GRID2: variants seen among roughly 807,000 people sequenced by gnomAD.
GRID2 encodes the protein glutamate ionotropic receptor delta type subunit 2.
In GRID2, 33 loss-of-function variants were observed where a neutral mutation model predicts 114.8. The ratio of observed to expected loss-of-function variants is 0.29; its 90% CI spans 0.22 to 0.38. The LOEUF (loss-of-function observed/expected upper bound fraction) is 0.38, where lower values mean the gene tolerates loss of function less well. GRID2 is among the 10% of genes least tolerant of loss of function. GRID2 has a pLI of 1.00. For missense variants in GRID2, 1,184 were observed against 1,257.7 expected (o/e 0.94, Z 0.89); for synonymous variants, 505 against 449.9 (o/e 1.12, Z -1.55).
chr4:93,546,336 A>G (rs1000275323), intron 13 of GRID2, among the ~76,000 whole-genome samples: 2 of 152,200 alleles, frequency 1.3e-5, no homozygotes, highest in Admixed American at 1.3e-4. Context: ...AATTATCAGA[A>G]TACAGATGGT....
intron 1 of GRID2, among the ~76,000 whole-genome samples, chr4:93,800,556 G>T (rs776729900): frequency 5.5e-4 from 83 of 152,220 alleles, no homozygotes; most frequent in Non-Finnish European, 1.0e-3. Flanking sequence ...AAATAAAAAG[G>T]CCCCCATTAA....
At chr4:92,993,931 A>C (rs1755053639) in intron 2 of GRID2, among the ~76,000 whole-genome samples, 1 of 152,172 alleles carries the variant, frequency 6.6e-6, no homozygotes, top group Non-Finnish European at 1.5e-5. Flanking sequence ...AAGATCTTTA[A>C]ATTATAAACA....
intron 8 of GRID2, among the ~76,000 whole-genome samples, chr4:93,306,658 G>A (rs1012769960): frequency 6.6e-6 from 1 of 152,036 alleles, no homozygotes; most frequent in African/African-American, 2.4e-5. Flanking sequence ...TTTAATAGAT[G>A]GGGATTATTT....
chr4:92,663,995 C>A (rs1006014727), intron 2 of GRID2, among the ~76,000 whole-genome samples: 1 of 151,112 alleles, frequency 6.6e-6, no homozygotes, highest in Non-Finnish European at 1.5e-5. Flanking sequence ...AAGATGGAAT[C>A]GTATCCTCCA....
chr4:93,383,535 C>T (rs1056128513), intron 8 of GRID2, among the ~76,000 whole-genome samples: 5 of 152,130 alleles, frequency 3.3e-5, no homozygotes, highest in Non-Finnish European at 7.4e-5. Flanking sequence ...TAGATTCTGC[C>T]AGTGCAGTTG....
At chr4:92,567,478 A>G (rs1203870497) in intron 1 of GRID2, among the ~76,000 whole-genome samples, 1 of 151,974 alleles carries the variant, frequency 6.6e-6, no homozygotes, top group Non-Finnish European at 1.5e-5. Context: ...CTGGTTCGTC[A>G]TATCTTAATT....
chr4:92,329,453 C>G (rs563490786), intron 1 of GRID2, among the ~76,000 whole-genome samples: 1 of 151,982 alleles, frequency 6.6e-6, no homozygotes, highest in African/African-American at 2.4e-5. Flanking sequence ...ACTTTTAATA[C>G]TCATTTACTT....
intron 2 of GRID2, among the ~76,000 whole-genome samples, chr4:92,674,466 T>C (rs1335857480): frequency 1.3e-5 from 2 of 152,198 alleles, no homozygotes; most frequent in Admixed American, 6.5e-5. Context: ...TTTCAACTTA[T>C]ATGGTTTTTA....
intron 2 of GRID2, among the ~76,000 whole-genome samples, chr4:92,900,636 C>A (rs1242096173): frequency 6.6e-6 from 1 of 152,096 alleles, no homozygotes; most frequent in Non-Finnish European, 1.5e-5. Context: ...CGAGACCATC[C>A]TGGCTAACAC....
At chr4:92,661,811 C>A (rs1732534305) in intron 2 of GRID2, among the ~76,000 whole-genome samples, 1 of 150,864 alleles carries the variant, frequency 6.6e-6, no homozygotes, top group African/African-American at 2.4e-5. Flanking sequence ...GAGGGAAATA[C>A]TGGTAAGTGT....
chr4:93,386,230 A>C (rs1305923265), intron 8 of GRID2, among the ~76,000 whole-genome samples: 1 of 152,166 alleles, frequency 6.6e-6, no homozygotes, highest in Non-Finnish European at 1.5e-5. Flanking sequence ...TTCAAATCCT[A>C]GCTATGTCAT....
At chr4:92,440,664 A>G (rs1321794502) in intron 1 of GRID2, among the ~76,000 whole-genome samples, 1 of 152,030 alleles carries the variant, frequency 6.6e-6, no homozygotes, top group Non-Finnish European at 1.5e-5. Context: ...CTTGTACTAT[A>G]GCATAACCTG....
chr4:93,247,063 C>G (rs1748297230), intron 8 of GRID2, among the ~76,000 whole-genome samples: 1 of 152,120 alleles, frequency 6.6e-6, no homozygotes, highest in Admixed American at 6.6e-5. Flanking sequence ...CATTCACTGC[C>G]TCTTGGAGAG....
intron 8 of GRID2, among the ~76,000 whole-genome samples, chr4:93,331,375 A>G (rs1013031861): frequency 1.3e-5 from 2 of 151,840 alleles, no homozygotes; most frequent in African/African-American, 2.4e-5. Flanking sequence ...CTCAATTATT[A>G]CATTCTTGGT....
intron 8 of GRID2, among the ~76,000 whole-genome samples, chr4:93,285,632 AAAGT>A: frequency 6.6e-6 from 1 of 152,140 alleles, no homozygotes; most frequent in East Asian, 1.9e-4. Context: ...TAAGAAAGGG[AAAGT>A]AAGTATAAAC....
At chr4:92,706,862 G>T (rs992511019) in intron 2 of GRID2, among the ~76,000 whole-genome samples, 1 of 151,922 alleles carries the variant, frequency 6.6e-6, no homozygotes, top group African/African-American at 2.4e-5. Context: ...GCTTTATTTT[G>T]TCTGAAAGTT....
chr4:92,712,996 C>CT (rs552257695), intron 2 of GRID2, among the ~76,000 whole-genome samples: 3,928 of 143,406 alleles, frequency 0.027, 122 homozygotes, highest in African/African-American at 0.069. Context: ...TTTCTTTTTT[C>CT]TTTTTTTTTT....
At chr4:93,332,225 TAAGAG>T (rs929523872) in intron 8 of GRID2, among the ~76,000 whole-genome samples, 1 of 150,004 alleles carries the variant, frequency 6.7e-6, no homozygotes, top group Non-Finnish European at 1.5e-5. Flanking sequence ...CACTCAAAGA[TAAGAG>T]AAGTTAAAAG....
intron 2 of GRID2, among the ~76,000 whole-genome samples, chr4:93,018,724 A>T (rs146854053): frequency 6.6e-6 from 1 of 152,234 alleles, no homozygotes; most frequent in African/African-American, 2.4e-5. Flanking sequence ...AAAAATCCCA[A>T]ATCCTTTCTT....
Sources: gnomAD v4.1 joint callset for allele counts (sites outside exome capture counted in the v4.1 genomes callset) on GRCh38, gnomAD v4.1.1 for gene constraint, MANE v1.5 for transcripts, NCBI Gene and HGNC (gene_info 2026-07-23, HGNC 2026-07-21) for gene names.